The following DGCR8 variants were observed in gnomAD, a reference collection of about 807,000 sequenced individuals.
DGCR8 encodes the protein microprocessor complex subunit DGCR8.
A neutral mutation model predicts 78.5 loss-of-function variants in DGCR8; 14 were observed. The ratio of observed to expected loss-of-function variants is 0.18; its 90% CI spans 0.12 to 0.28. The LOEUF is 0.28. Ranked by LOEUF, DGCR8 falls within the 10% of genes least tolerant of loss-of-function variation. The probability of loss-of-function intolerance (pLI) is 1.00; values close to 1 mark genes in which losing one functional copy is unlikely to be tolerated. For missense variants in DGCR8, 702 were observed against 1,022.5 expected (o/e 0.69, Z 4.28); for synonymous variants, 399 against 402.4 (o/e 0.99, Z 0.10).
intron 12 of DGCR8, 37 bp downstream of exon 12, chr22:20,107,435 C>T: frequency 6.2e-7 from 1 of 1,612,598 alleles, no homozygotes; most frequent in Non-Finnish European, 8.5e-7. Flanking sequence ...GCAGCCTGTG[C>T]TGCCACCCTG....
rs1296015693 is a variant in DGCR8, at chr22:20,110,184, C to G, written c.*76C>G. On this transcript the variant is annotated 3_prime_UTR_variant, in exon 14 of 14. Transcript: ENST00000351989. ...AGACCAGCAGTCATGCATCGTGCAC[C>G]ACAGTGTCAGGCCTCCAACCCACGC... The G allele has an allele frequency of 3.4e-6, 5 of 1,476,052 alleles. No homozygotes were observed. Among genetic ancestry groups the G allele is most frequent in the Non-Finnish European group, 4.7e-6 (5 of 1,073,740 alleles). The allele number at this position is 1,476,052 out of a possible 1,614,324, so 91.4% of individuals were successfully genotyped here.
At position 20,086,772 on chromosome 22, in the gene DGCR8, T is replaced by TAA. The variant is rs376450423; in HGVS notation, c.720+102_720+103dup. 2.4e-3 allele frequency: 2,784 copies of TAA among 1,141,128 alleles called. No individual in the cohort carries two copies. The highest frequency in any genetic ancestry group is 2.8e-3 in the Non-Finnish European group (2,379 of 848,200). The allele number at this position is 1,141,128 out of a possible 1,614,324, so 70.7% of individuals were successfully genotyped here. A position where few individuals can be genotyped will look rare whatever the true frequency, so the allele number is the denominator to read the frequency against. On this transcript the variant is annotated intron_variant, in intron 2 of 13. Transcript: ENST00000351989. The surrounding 1 kb of genome is among the most constrained non-coding windows in gnomAD (Gnocchi z 6.4). ...CAGCATCTTTTGAAAGCAGGGAAAT[T>TAA]AAAAAAAAAAAAAACAAAAACCAAA... is the stretch of plus-strand genomic sequence containing the variant.
chr22:20,110,879 TC>T lies in DGCR8; in HGVS notation c.*773del, dbSNP rs1301006758. ...TGGACACTGAGGCCCTCTCTGCCTT[TC>T]CTGGCCTCCGGCAACAGTTTTTTAC... is the stretch of plus-strand genomic sequence containing the variant. On this transcript the variant is annotated 3_prime_UTR_variant, in exon 14 of 14. Coordinates refer to ENST00000351989, the MANE Select transcript of DGCR8 (RefSeq NM_022720.7). 3.7e-6 allele frequency: 1 copy of T among 270,162 alleles called. No individual in the cohort carries two copies. The highest frequency in any genetic ancestry group is 2.2e-5 in the African/African-American group (1 of 45,686). The allele number at this position is 270,162 out of a possible 1,614,324, so 16.7% of individuals were successfully genotyped here.
At position 20,102,075 on chromosome 22, in the gene DGCR8, GTTTTCTTTTTTTT is replaced by G. The variant is rs563945254; in HGVS notation, c.1789-4096_1789-4084del. Reference sequence around the variant, plus strand: ...TAAATTTAGGTATTAGTGACCAAGTGTTTTCTTTTTTTTTTTTCATCTTATTTTAAAATTTACA... The same window carrying G: ...TAAATTTAGGTATTAGTGACCAAGTGTTTTCATCTTATTTTAAAATTTACA... On this transcript the variant is annotated intron_variant, in intron 9 of 13. Transcript: ENST00000351989. 2.5e-4 allele frequency: 241 copies of G among 974,072 alleles called. 1 individual carries two copies. The African/African-American group carries it at 4.0e-3, about 16-fold the overall frequency. The allele number at this position is 974,072 out of a possible 1,614,324, so 60.3% of individuals were successfully genotyped here.
chr22:20,098,237 C>T (rs1408951036), intron 9 of DGCR8, among the ~76,000 whole-genome samples: 1 of 151,992 alleles, frequency 6.6e-6, no homozygotes, highest in Non-Finnish European at 1.5e-5. Context: ...GCAATCTGCC[C>T]ACCTCAGCCT....
intron 5 of DGCR8, among the ~76,000 whole-genome samples, chr22:20,090,813 C>G (rs2049548215): frequency 6.6e-6 from 1 of 152,204 alleles, no homozygotes; most frequent in South Asian, 2.1e-4. Context: ...CTCTGTGAAC[C>G]CACCTGCTGG....
At chr22:20,106,746 C>G (rs1487948962) in intron 11 of DGCR8, 48 bp downstream of exon 11, 13 of 1,335,306 alleles carry the variant, frequency 9.7e-6, no homozygotes, top group Non-Finnish European at 1.4e-5. Context: ...CGGGCGGCCC[C>G]TGGTGTGGCC....
rs2049528747 is a variant in DGCR8, at chr22:20,089,641, T to C, written c.881-28T>C. 6.2e-7 allele frequency: 1 copy of C among 1,612,804 alleles called. No individual in the cohort carries two copies. The highest frequency in any genetic ancestry group is 1.1e-5 in the South Asian group (1 of 91,016). On this transcript the variant is annotated intron_variant, in intron 3 of 13. Coordinates refer to ENST00000351989, the MANE Select transcript of DGCR8 (RefSeq NM_022720.7). This position sits in a 1 kb window ranked among gnomAD's most constrained non-coding sequence, Gnocchi z 4.9. Reference sequence around the variant, plus strand: ...CAATTCCAAGTGTTTTTACAGTGATTATAGGATGTTCTTGTCTTCCTGTGC... The same window carrying C: ...CAATTCCAAGTGTTTTTACAGTGATCATAGGATGTTCTTGTCTTCCTGTGC...
rs756265031 is a variant in DGCR8, at chr22:20,092,862, G to C, written c.1660G>C (p.Gly554Arg). 6.2e-7 allele frequency: 1 copy of C among 1,613,686 alleles called. No homozygotes were observed. Among genetic ancestry groups the C allele is most frequent in the African/African-American group, 1.3e-5 (1 of 74,882 alleles). Residue 554 changes from glycine to arginine, a missense_variant, in exon 8 of 14, where the codon GGA becomes CGA. By Grantham distance (125) the Gly-to-Arg change is moderately radical (BLOSUM62 -2). Transcript: ENST00000351989. The part of the protein sequence containing the change: ...ASVTIDGVTY[G>R]SGTASSKKLA... ...GGTGACCATTGATGGTGTGACTTAC[G>C]GATCTGGAACTGCAAGCAGCAAAAA...
intron 12 of DGCR8, 57 bp from the exon 13 acceptor site, chr22:20,108,832 CG>C: frequency 1.4e-6 from 1 of 722,710 alleles, no homozygotes; most frequent in Non-Finnish European, 2.3e-6. Context: ...TGCTGGGCAG[CG>C]GGCAGGCCGT....
At position 20,080,258 on chromosome 22, in the gene DGCR8, G is replaced by T. The variant is rs1234262510; in HGVS notation, c.-403G>T. 6.1e-6 allele frequency: 6 copies of T among 978,032 alleles called. No individual in the cohort carries two copies. Among genetic ancestry groups the T allele is most frequent in the African/African-American group, 3.5e-5 (2 of 56,772 alleles). The allele number at this position is 978,032 out of a possible 1,614,324, so 60.6% of individuals were successfully genotyped here. ...GGCCCGCCCTCCGCTCGCCCGGCGC[G>T]GCAGGCGGGTGCCGGCGACCGGAGA... is the stretch of plus-strand genomic sequence containing the variant. On this transcript the variant is annotated 5_prime_UTR_variant, in exon 1 of 14. Coordinates refer to ENST00000351989, the MANE Select transcript of DGCR8 (RefSeq NM_022720.7).
Position 20,089,691 on chromosome 22 carries a change from G to A in DGCR8, c.903G>A (p.Glu301=). Reference sequence around the variant, plus strand: ...CAGGTCGTGGCCGCCCACCTACAGAGCCGCTGCCCGACGGGTGGATCATGA... The same window carrying A: ...CAGGTCGTGGCCGCCCACCTACAGAACCGCTGCCCGACGGGTGGATCATGA... ...VLKSRGRPPT[E]PLPDGWIMTF... The change falls in exon 4 of 14, where the codon GAG becomes GAA. Residue 301 remains glutamate, a synonymous_variant. Transcript: ENST00000351989. The surrounding 1 kb of genome is among the most constrained non-coding windows in gnomAD (Gnocchi z 4.9). The A allele has an allele frequency of 6.2e-7, 1 of 1,613,960 alleles. No homozygotes were observed. Among genetic ancestry groups the A allele is most frequent in the Non-Finnish European group, 8.5e-7 (1 of 1,180,014 alleles).
intron 9 of DGCR8, among the ~76,000 whole-genome samples, chr22:20,104,566 G>GT (rs953270258): frequency 6.6e-6 from 1 of 152,202 alleles, no homozygotes; most frequent in African/African-American, 2.4e-5. Context: ...AAGCCGTGGG[G>GT]TATGTGGGTT....
At chr22:20,092,579 A>G (rs532000254) in intron 7 of DGCR8, among the ~76,000 whole-genome samples, 3 of 151,874 alleles carry the variant, frequency 2.0e-5, no homozygotes, top group South Asian at 4.2e-4. Flanking sequence ...CTGGCTCACC[A>G]TCTCCCACGT....
rs778415508 is a variant in DGCR8 at position 20,085,852 on chromosome 22, A to T, written c.-112A>T. ...CAGCTTGACTAAGCCGCCAGCGCACAGCGCGGCAGGACGCGCCCGGGTCTC... is the reference window on the plus strand; with the variant it reads ...CAGCTTGACTAAGCCGCCAGCGCACTGCGCGGCAGGACGCGCCCGGGTCTC... On this transcript the variant is annotated 5_prime_UTR_variant, in exon 2 of 14. Transcript: ENST00000351989. This position sits in a 1 kb window ranked among gnomAD's most constrained non-coding sequence, Gnocchi z 6.2. 1 of 1,492,242 alleles carries T rather than the reference A, an allele frequency of 6.7e-7. No individual in the cohort carries two copies. The highest frequency in any genetic ancestry group is 8.9e-7 in the Non-Finnish European group (1 of 1,128,384). 92.4% of individuals were successfully genotyped at this position (1,492,242 alleles called of 1,614,324 possible). A position where few individuals can be genotyped will look rare whatever the true frequency, so the allele number is the denominator to read the frequency against.
intron 9 of DGCR8, chr22:20,102,195 C>A: frequency 4.6e-6 from 2 of 431,886 alleles, no homozygotes; most frequent in Non-Finnish European, 6.2e-6. Context: ...AATCAAGATG[C>A]AGAACATTTC....
At chr22:20,094,013 C>T (rs193200423) in intron 8 of DGCR8, among the ~76,000 whole-genome samples, 23 of 152,326 alleles carry the variant, frequency 1.5e-4, no homozygotes, top group Admixed American at 1.5e-3. Context: ...GAGGTTTTGA[C>T]AGATAACTTG....
Position 20,089,277 on chromosome 22 carries a change from G to C in DGCR8, c.881-392G>C, listed in dbSNP as rs1026672295. Reference sequence around the variant, plus strand: ...ACTTGTCACCTGGTCACTGGGAGCAGTGGCTGACAGCCATGCAGTTTATTA... The same window carrying C: ...ACTTGTCACCTGGTCACTGGGAGCACTGGCTGACAGCCATGCAGTTTATTA... On this transcript the variant is annotated intron_variant, in intron 3 of 13. Coordinates refer to ENST00000351989, the MANE Select transcript of DGCR8 (RefSeq NM_022720.7). This position sits in a 1 kb window ranked among gnomAD's most constrained non-coding sequence, Gnocchi z 4.9. Among the ~76,000 whole-genome samples, 8 of 152,240 alleles carry C rather than the reference G, an allele frequency of 5.3e-5. No homozygotes were observed.
At chr22:20,106,361 C>A in intron 10 of DGCR8, 84 bp downstream of exon 10, 3 of 1,252,970 alleles carry the variant, frequency 2.4e-6, no homozygotes, top group Non-Finnish European at 3.4e-6. Context: ...CTGTTTGTCC[C>A]AAGGCAGAGG....
Sources: gnomAD v4.1 joint callset for allele counts (sites outside exome capture counted in the v4.1 genomes callset) on GRCh38, gnomAD v4.1.1 for gene constraint, Gnocchi (gnomAD v3.1) non-coding constraint, MANE v1.5 for transcripts, NCBI Gene and HGNC (gene_info 2026-07-23, HGNC 2026-07-21) for gene names.